The following PLCB4 variants were observed in gnomAD, a reference collection of about 807,000 sequenced individuals.
The protein encoded by PLCB4 is 1-phosphatidylinositol 4,5-bisphosphate phosphodiesterase beta-4.
In PLCB4, 77 loss-of-function variants were observed where a neutral mutation model predicts 178.8. That is an observed-to-expected ratio of 0.43 (90% CI 0.36 to 0.52). The LOEUF is 0.52. PLCB4 is among the 20% of genes least tolerant of loss of function. The pLI is 0.00. For synonymous variants in PLCB4, 496 were observed against 490.8 expected, an observed-to-expected ratio of 1.01 and a Z score of -0.14; for missense variants, 1,024 against 1,453.4, an observed-to-expected ratio of 0.70 and a Z score of 4.80.
At chr20:9,144,124 C>T (rs922467346) in intron 2 of PLCB4, among the ~76,000 whole-genome samples, 3 of 152,042 alleles carry the variant, frequency 2.0e-5, no homozygotes, top group African/African-American at 4.8e-5. Context: ...TTTGAAATAA[C>T]GCATGCAGAA....
At chr20:9,397,278 G>A (rs988150201) in intron 19 of PLCB4, among the ~76,000 whole-genome samples, 1 of 152,160 alleles carries the variant, frequency 6.6e-6, no homozygotes, top group Non-Finnish European at 1.5e-5. Context: ...TCATGAAATT[G>A]CAGCAATTCA....
intron 3 of PLCB4, among the ~76,000 whole-genome samples, chr20:9,224,634 C>A (rs2093841046): frequency 6.6e-6 from 1 of 152,166 alleles, no homozygotes; most frequent in Non-Finnish European, 1.5e-5. Flanking sequence ...AGACAGAATT[C>A]TTCGGTTTGG....
At chr20:9,279,279 G>T (rs2094474550) in intron 3 of PLCB4, among the ~76,000 whole-genome samples, 1 of 152,076 alleles carries the variant, frequency 6.6e-6, no homozygotes, top group Non-Finnish European at 1.5e-5. Flanking sequence ...GAGTGTAAAA[G>T]TTGAATTCAG....
chr20:9,184,563 G>A (rs1188490211), intron 2 of PLCB4, among the ~76,000 whole-genome samples: 1 of 143,824 alleles, frequency 7.0e-6, no homozygotes, highest in Non-Finnish European at 1.5e-5. Context: ...AATATAGAAA[G>A]GAACCATTTG....
At chr20:9,140,806 G>A (rs1460240086) in intron 2 of PLCB4, among the ~76,000 whole-genome samples, 1 of 152,024 alleles carries the variant, frequency 6.6e-6, no homozygotes, top group African/African-American at 2.4e-5. Context: ...CGTGAACTAA[G>A]TAAACCATCT....
chr20:9,095,212 A>G (rs2090856057), intron 1 of PLCB4, among the ~76,000 whole-genome samples: 1 of 152,254 alleles, frequency 6.6e-6, no homozygotes, highest in South Asian at 2.1e-4. Flanking sequence ...AAGTTTAAAA[A>G]GGATTTTTAT....
intron 6 of PLCB4, among the ~76,000 whole-genome samples, chr20:9,338,431 G>A (rs6140918): frequency 3.3e-5 from 5 of 152,072 alleles, no homozygotes; most frequent in African/African-American, 1.2e-4. Context: ...ACACCTCCCA[G>A]CACTGTGGGA....
At chr20:9,176,662 A>G (rs1015268518) in intron 2 of PLCB4, among the ~76,000 whole-genome samples, 3 of 152,206 alleles carry the variant, frequency 2.0e-5, no homozygotes, top group Admixed American at 6.5e-5. Flanking sequence ...AGTAAAATAT[A>G]AGATCTTACT....
intron 3 of PLCB4, among the ~76,000 whole-genome samples, chr20:9,227,223 T>C (rs1431033837): frequency 6.6e-6 from 1 of 152,042 alleles, no homozygotes; most frequent in Non-Finnish European, 1.5e-5. Context: ...TTCAGATATA[T>C]GACTTGAAGA....
intron 2 of PLCB4, among the ~76,000 whole-genome samples, chr20:9,189,854 C>T (rs2093378209): frequency 6.6e-6 from 1 of 152,142 alleles, no homozygotes; most frequent in African/African-American, 2.4e-5. Flanking sequence ...AGGATAGACC[C>T]ATCATGGCTC....
At chr20:9,428,274 T>G (rs1360024580) in intron 28 of PLCB4, among the ~76,000 whole-genome samples, 1 of 152,208 alleles carries the variant, frequency 6.6e-6, no homozygotes, top group African/African-American at 2.4e-5. Flanking sequence ...AAAACCCAGT[T>G]GCATATTCAC....
intron 3 of PLCB4, among the ~76,000 whole-genome samples, chr20:9,292,625 A>G (rs1422928015): frequency 6.6e-6 from 1 of 152,204 alleles, no homozygotes; most frequent in African/African-American, 2.4e-5. Flanking sequence ...CATAGGCACA[A>G]TCGAGGCTGT....
At chr20:9,421,590 T>A in intron 27 of PLCB4, 129 bp downstream of exon 27, 1 of 717,760 alleles carries the variant, frequency 1.4e-6, no homozygotes, top group Non-Finnish European at 2.3e-6. Flanking sequence ...TCCTAATGGC[T>A]AACTTCTGTA....
intron 7 of PLCB4, among the ~76,000 whole-genome samples, chr20:9,357,228 T>C (rs1382712372): frequency 6.6e-6 from 1 of 152,236 alleles, no homozygotes; most frequent in African/African-American, 2.4e-5. Context: ...GGCCCCGTCA[T>C]TGATTATTCT....
chr20:9,466,014 A>G (rs892215581), intron 35 of PLCB4, among the ~76,000 whole-genome samples: 2 of 152,244 alleles, frequency 1.3e-5, no homozygotes, highest in African/African-American at 4.8e-5. Context: ...TGGAGGCATC[A>G]TGCTACCCAA....
At chr20:9,170,596 C>T (rs2093048718) in intron 2 of PLCB4, among the ~76,000 whole-genome samples, 1 of 152,190 alleles carries the variant, frequency 6.6e-6, no homozygotes. Flanking sequence ...ACAGTAACCT[C>T]ATCATTTAGC....
chr20:9,170,890 A>G (rs979947642), intron 2 of PLCB4, among the ~76,000 whole-genome samples: 2 of 152,238 alleles, frequency 1.3e-5, no homozygotes, highest in African/African-American at 2.4e-5. Flanking sequence ...GTCATGAAGA[A>G]GCAGTTTTTG....
At chr20:9,187,214 A>G (rs1363256567) in intron 2 of PLCB4, among the ~76,000 whole-genome samples, 2 of 151,828 alleles carry the variant, frequency 1.3e-5, no homozygotes, top group Non-Finnish European at 2.9e-5. Context: ...ACCTCAAGTG[A>G]TCTGTCCGCC....
At chr20:9,097,383 G>A (rs549844375) in intron 2 of PLCB4, among the ~76,000 whole-genome samples, 122 of 152,020 alleles carry the variant, frequency 8.0e-4, no homozygotes, top group African/African-American at 2.9e-3. Flanking sequence ...GAAACCGCTA[G>A]GCATGAGTGG....
Sources: allele counts gnomAD v4.1 joint callset (sites outside exome capture counted in the v4.1 genomes callset), GRCh38; gene constraint gnomAD v4.1.1; transcripts MANE v1.5; gene names NCBI Gene and HGNC (gene_info 2026-07-23, HGNC 2026-07-21).